The following GRIA4 variants were observed in gnomAD, a reference collection of about 807,000 sequenced individuals.
GRIA4 encodes glutamate receptor 4.
In GRIA4, 34 loss-of-function variants were observed where a neutral mutation model predicts 104.0. The ratio of observed to expected loss-of-function variants is 0.33; its 90% CI spans 0.25 to 0.44. GRIA4 has a LOEUF of 0.44. Ranked by LOEUF, GRIA4 falls within the 20% of genes least tolerant of loss-of-function variation. GRIA4 has a pLI of 1.00. For synonymous variants in GRIA4, 386 were observed against 381.9 expected (o/e 1.01, Z -0.13); for missense variants, 750 against 1,096.5 (o/e 0.68, Z 4.46).
At chr11:105,678,667 T>C (rs1952617816) in intron 3 of GRIA4, among the ~76,000 whole-genome samples, 1 of 152,066 alleles carries the variant, frequency 6.6e-6, no homozygotes, top group Non-Finnish European at 1.5e-5. Flanking sequence ...TGAGTGTTTT[T>C]CCAAAAAAGC....
intron 3 of GRIA4, among the ~76,000 whole-genome samples, chr11:105,672,243 A>AT (rs1952398104): frequency 6.6e-6 from 1 of 152,098 alleles, no homozygotes; most frequent in Non-Finnish European, 1.5e-5. Context: ...CACAAGTTTC[A>AT]TTTTTTATTC....
At chr11:105,662,927 C>T (rs1183180517) in intron 3 of GRIA4, among the ~76,000 whole-genome samples, 1 of 151,852 alleles carries the variant, frequency 6.6e-6, no homozygotes, top group Admixed American at 6.6e-5. Context: ...CACACTATCT[C>T]TGACACCAAA....
chr11:105,969,256 A>G (rs1006063862), intron 14 of GRIA4, among the ~76,000 whole-genome samples: 2 of 152,342 alleles, frequency 1.3e-5, no homozygotes, highest in South Asian at 2.1e-4. Flanking sequence ...GAATTAGTAC[A>G]GAAAATATGC....
chr11:105,805,478 G>GAAAAAAAAAAAAAAAAAAAAAAAAA (rs57123559), intron 4 of GRIA4, among the ~76,000 whole-genome samples: 9 of 92,496 alleles, frequency 9.7e-5, no homozygotes, highest in African/African-American at 3.6e-4. Context: ...AAGAAATCAG[G>GAAAAAAAAAAAAAAAAAAAAAAAAA]AAAAAAAAAA....
rs1942373612 is a variant in GRIA4 at position 105,794,469 on chromosome 11, GTATGTATATATATATATA to G, written c.487+41253_487+41270del. Among the ~76,000 whole-genome samples, 184 of 40,770 alleles carry G rather than the reference GTATGTATATATATATATA, an allele frequency of 4.5e-3. 10 individuals are homozygous for G. The highest frequency in any genetic ancestry group is 6.0e-3 in the Non-Finnish European group (123 of 20,354). 26.7% of individuals were successfully genotyped at this position (40,770 alleles called of 152,430 possible). On this transcript the variant is annotated intron_variant, in intron 4 of 16. Transcript: ENST00000282499. ...TGTGTGTGTCTGTGTGTGTGTATAT[GTATGTATATATATATATA>G]TATATATATATATATATATATATAT...
chr11:105,768,302 TC>T (rs1365970306), intron 4 of GRIA4, among the ~76,000 whole-genome samples: 1 of 151,914 alleles, frequency 6.6e-6, no homozygotes, highest in Non-Finnish European at 1.5e-5. Flanking sequence ...AAAGCTATCT[TC>T]TAAAAAAAAA....
At chr11:105,726,100 G>A (rs565778810) in intron 3 of GRIA4, among the ~76,000 whole-genome samples, 8 of 152,204 alleles carry the variant, frequency 5.3e-5, no homozygotes, top group Admixed American at 6.5e-5. Flanking sequence ...CTTGCTCAGC[G>A]GATCCTACCT....
intron 4 of GRIA4, among the ~76,000 whole-genome samples, chr11:105,826,965 A>T (rs1943792451): frequency 6.6e-6 from 1 of 152,064 alleles, no homozygotes; most frequent in Admixed American, 6.6e-5. Context: ...TGGTTGACAT[A>T]TAGGTTAGTC....
At chr11:105,866,115 ATGGATAAGAAATCTTTAGTTGTTTATTTT>A (rs1490726157) in intron 5 of GRIA4, among the ~76,000 whole-genome samples, 17 of 152,158 alleles carry the variant, frequency 1.1e-4, no homozygotes, top group Non-Finnish European at 2.1e-4. Flanking sequence ...TCTCTGAGAG[ATGGATAAGAAATCTTTAGTTGTTTATTTT>A]TAAAACGTAA....
At chr11:105,978,273 T>G (rs1289268054) in intron 16 of GRIA4, among the ~76,000 whole-genome samples, 1 of 152,046 alleles carries the variant, frequency 6.6e-6, no homozygotes, top group Non-Finnish European at 1.5e-5. Context: ...GATAATCAAG[T>G]AGAAGTGTTG....
chr11:105,837,348 C>A (rs999940131), intron 4 of GRIA4, among the ~76,000 whole-genome samples: 2 of 152,112 alleles, frequency 1.3e-5, no homozygotes, highest in African/African-American at 4.8e-5. Flanking sequence ...AATGTACCCA[C>A]TATATCTTAG....
At chr11:105,731,936 C>G (rs190123616) in intron 3 of GRIA4, among the ~76,000 whole-genome samples, 190 of 152,020 alleles carry the variant, frequency 1.2e-3, no homozygotes, top group Non-Finnish European at 2.1e-3. Flanking sequence ...GATGATGGGT[C>G]GATGGGTGCA....
intron 6 of GRIA4, among the ~76,000 whole-genome samples, chr11:105,890,343 G>A (rs1005613987): frequency 1.3e-5 from 2 of 152,128 alleles, no homozygotes; most frequent in Non-Finnish European, 2.9e-5. Context: ...TGAAATATTG[G>A]CTTCATAATG....
intron 3 of GRIA4, among the ~76,000 whole-genome samples, chr11:105,700,242 A>G (rs955687058): frequency 9.9e-5 from 15 of 152,226 alleles, no homozygotes; most frequent in African/African-American, 2.9e-4. Flanking sequence ...ATGTAGCTGC[A>G]GAAAGAGGGG....
intron 4 of GRIA4, among the ~76,000 whole-genome samples, chr11:105,861,341 G>A (rs138090547): frequency 8.7e-4 from 133 of 152,044 alleles, no homozygotes; most frequent in Non-Finnish European, 1.0e-4. Context: ...CCTTGAGTCC[G>A]GCTACACACT....
intron 5 of GRIA4, among the ~76,000 whole-genome samples, chr11:105,870,966 G>A (rs950063426): frequency 6.6e-6 from 1 of 151,996 alleles, no homozygotes; most frequent in African/African-American, 2.4e-5. Flanking sequence ...TACTTCATCT[G>A]TAGACTATAT....
intron 3 of GRIA4, among the ~76,000 whole-genome samples, chr11:105,674,095 T>C (rs1185811913): frequency 1.3e-5 from 2 of 152,078 alleles, no homozygotes; most frequent in South Asian, 2.1e-4. Context: ...TTATAAAGCA[T>C]GGAGAATGTG....
intron 4 of GRIA4, among the ~76,000 whole-genome samples, chr11:105,761,665 C>T (rs556078010): frequency 6.6e-6 from 1 of 152,196 alleles, no homozygotes; most frequent in South Asian, 2.1e-4. Context: ...CTCTATTTAT[C>T]AACACTGAAA....
chr11:105,694,048 A>G (rs1352492316), intron 3 of GRIA4, among the ~76,000 whole-genome samples: 1 of 152,232 alleles, frequency 6.6e-6, no homozygotes, highest in Non-Finnish European at 1.5e-5. Flanking sequence ...ACGAACCACC[A>G]GTAACTTCCA....
Sources: allele counts gnomAD v4.1 joint callset (sites outside exome capture counted in the v4.1 genomes callset), GRCh38; gene constraint gnomAD v4.1.1; transcripts MANE v1.5; gene names NCBI Gene and HGNC (gene_info 2026-07-23, HGNC 2026-07-21).